The following XKR9 variants were observed in gnomAD, a reference collection of about 807,000 sequenced individuals.
The protein encoded by XKR9 is XK related 9.
Under a neutral mutation model 32.0 loss-of-function variants are expected in XKR9, and 32 were observed. That is an observed-to-expected ratio of 1.00 (90% CI 0.76 to 1.34). XKR9 has a LOEUF of 1.34. Among genes scored for constraint, XKR9 ranks in the 40% most tolerant of loss-of-function variants. The pLI is 0.00. For missense variants in XKR9, 546 were observed against 429.7 expected (o/e 1.27, Z -2.39); for synonymous variants, 168 against 143.4 (o/e 1.17, Z -1.22).
the XKR9 span, among the ~76,000 whole-genome samples, chr8:70,866,732 C>T: frequency 1.3e-5 from 2 of 151,718 alleles, no homozygotes; most frequent in Non-Finnish European, 2.9e-5. Flanking sequence ...GTCATCACCC[C>T]CCTTGGCCTC....
chr8:70,969,811 G>C, the XKR9 span, among the ~76,000 whole-genome samples: 1 of 152,070 alleles, frequency 6.6e-6, no homozygotes, highest in Non-Finnish European at 1.5e-5. Context: ...ACATGAATAA[G>C]TTCTTTAGTG....
At chr8:70,698,465 G>A (rs1805377937) in intron 3 of XKR9, among the ~76,000 whole-genome samples, 1 of 152,128 alleles carries the variant, frequency 6.6e-6, no homozygotes, top group Admixed American at 6.6e-5. Context: ...TCAGGAGCAG[G>A]TTGTTCAGTT....
chr8:70,701,205 CACT>C (rs1421210777), intron 3 of XKR9, among the ~76,000 whole-genome samples: 1 of 152,316 alleles, frequency 6.6e-6, no homozygotes, highest in East Asian at 1.9e-4. Flanking sequence ...GTCCTGCGCC[CACT>C]CTCTGGCACT....
intron 4 of XKR9, among the ~76,000 whole-genome samples, chr8:70,724,433 A>AAG (rs1463902238): frequency 8.0e-6 from 1 of 125,596 alleles, no homozygotes; most frequent in Admixed American, 7.6e-5. Context: ...GGGGTAGGAA[A>AAG]AAAAAAAAAA....
chr8:70,787,144 C>A (rs1807699400), intron 2 of XKR9, among the ~76,000 whole-genome samples: 1 of 152,022 alleles, frequency 6.6e-6, no homozygotes, highest in African/African-American at 2.4e-5. Context: ...ATATGATTAG[C>A]AAAATTGTTC....
the XKR9 span, among the ~76,000 whole-genome samples, chr8:71,006,078 C>T: frequency 1.3e-5 from 2 of 152,246 alleles, no homozygotes; most frequent in African/African-American, 4.8e-5. Context: ...TTCTTTTTGA[C>T]ATGAGAACTT....
At chr8:70,978,632 G>C in the XKR9 span, among the ~76,000 whole-genome samples, 43 of 152,180 alleles carry the variant, frequency 2.8e-4, no homozygotes, top group Non-Finnish European at 6.0e-4. Context: ...TTTCTTTTGT[G>C]GGTAACCTGC....
At chr8:70,844,170 C>T in the XKR9 span, among the ~76,000 whole-genome samples, 1 of 152,230 alleles carries the variant, frequency 6.6e-6, no homozygotes, top group South Asian at 2.1e-4. Context: ...ACCTCAACCC[C>T]CAGCCCCAGC....
chr8:70,885,671 A>G, the XKR9 span, among the ~76,000 whole-genome samples: 2 of 151,426 alleles, frequency 1.3e-5, no homozygotes, highest in South Asian at 2.1e-4. Flanking sequence ...ATCTCAGCTC[A>G]CTGCAAGCTC....
At chr8:70,691,986 A>G (rs1261341357) in intron 3 of XKR9, among the ~76,000 whole-genome samples, 1 of 152,062 alleles carries the variant, frequency 6.6e-6, no homozygotes, top group African/African-American at 2.4e-5. Flanking sequence ...AGCGTTGAAT[A>G]TGTAAATTGT....
chr8:70,835,260 T>G, the XKR9 span, among the ~76,000 whole-genome samples: 1 of 152,124 alleles, frequency 6.6e-6, no homozygotes, highest in Non-Finnish European at 1.5e-5. Flanking sequence ...TTTATTTGAC[T>G]GGGAAAAGAA....
chr8:70,965,075 C>A, the XKR9 span, among the ~76,000 whole-genome samples: 3 of 152,074 alleles, frequency 2.0e-5, no homozygotes, highest in Non-Finnish European at 4.4e-5. Context: ...ATGATATTAG[C>A]TGTGGGTTTG....
chr8:70,724,395 C>T (rs1194253886), intron 4 of XKR9, among the ~76,000 whole-genome samples: 1 of 149,024 alleles, frequency 6.7e-6, no homozygotes, highest in Non-Finnish European at 1.5e-5. Context: ...GTGAACAGTT[C>T]TGTCTTGCTG....
At chr8:70,811,102 A>C in the XKR9 span, among the ~76,000 whole-genome samples, 1 of 152,252 alleles carries the variant, frequency 6.6e-6, no homozygotes, top group South Asian at 2.1e-4. Flanking sequence ...CACAGACCAT[A>C]GTGCAATCAA....
At chr8:70,768,971 A>G (rs1326153681) in intron 2 of XKR9, among the ~76,000 whole-genome samples, 1 of 152,188 alleles carries the variant, frequency 6.6e-6, no homozygotes, top group Non-Finnish European at 1.5e-5. Context: ...TGCTGTCATC[A>G]TGATGCGAAC....
chr8:70,930,510 G>C, the XKR9 span, among the ~76,000 whole-genome samples: 1 of 152,170 alleles, frequency 6.6e-6, no homozygotes, highest in Non-Finnish European at 1.5e-5. Context: ...GTTTAAAAAA[G>C]AGAGATATTT....
At chr8:70,873,269 T>C in the XKR9 span, among the ~76,000 whole-genome samples, 1 of 152,232 alleles carries the variant, frequency 6.6e-6, no homozygotes, top group Non-Finnish European at 1.5e-5. Context: ...TTTCCATTTT[T>C]CAGTCTATGG....
At chr8:70,729,657 C>G (rs957744896) in intron 4 of XKR9, among the ~76,000 whole-genome samples, 1 of 152,166 alleles carries the variant, frequency 6.6e-6, no homozygotes, top group East Asian at 1.9e-4. Context: ...GTTAAAGACA[C>G]AATTGACAAG....
At chr8:70,758,000 A>G (rs887574426) in intron 2 of XKR9, among the ~76,000 whole-genome samples, 4 of 152,188 alleles carry the variant, frequency 2.6e-5, no homozygotes, top group Non-Finnish European at 5.9e-5. Context: ...CAGAGAATGT[A>G]TCCTACTTTC....
Sources: gnomAD v4.1 joint callset for allele counts (sites outside exome capture counted in the v4.1 genomes callset) on GRCh38, gnomAD v4.1.1 for gene constraint, MANE v1.5 for transcripts, NCBI Gene and HGNC (gene_info 2026-07-23, HGNC 2026-07-21) for gene names.